The following MCM9 variants were observed in gnomAD, a reference collection of about 807,000 sequenced individuals.
MCM9 encodes the protein minichromosome maintenance 9 homologous recombination repair factor.
Under a neutral mutation model 72.8 loss-of-function variants are expected in MCM9, and 55 were observed. The ratio of observed to expected loss-of-function variants is 0.76; its 90% CI spans 0.61 to 0.95. The LOEUF is 0.95. Among genes scored for constraint, MCM9 ranks in the 40% least tolerant of loss-of-function variants. MCM9 has a pLI of 0.00. For missense variants in MCM9, 1,279 were observed against 1,377.0 expected (o/e 0.93, Z 1.13); for synonymous variants, 480 against 503.4 (o/e 0.95, Z 0.62).
At chr6:118,875,656 TAAAATA>T (rs1403476088) in intron 8 of MCM9, among the ~76,000 whole-genome samples, 1 of 40,530 alleles carries the variant, frequency 2.5e-5, no homozygotes, top group Non-Finnish European at 4.4e-5. Context: ...TAATAATAAT[TAAAATA>T]ATAATAATAA....
chr6:118,858,295 T>C (rs1342203064), intron 8 of MCM9, among the ~76,000 whole-genome samples: 1 of 152,114 alleles, frequency 6.6e-6, no homozygotes, highest in African/African-American at 2.4e-5. Flanking sequence ...GAAAATACAT[T>C]TCACAAAACT....
chr6:118,867,101 A>G (rs895221255), intron 8 of MCM9, among the ~76,000 whole-genome samples: 2 of 152,162 alleles, frequency 1.3e-5, no homozygotes, highest in Non-Finnish European at 2.9e-5. Flanking sequence ...TTTTAAAAAA[A>G]GGGGGTGATA....
chr6:118,827,868 C>A, intron 11 of MCM9, 59 bp downstream of exon 11: 1 of 1,468,442 alleles, frequency 6.8e-7, no homozygotes, highest in Non-Finnish European at 9.3e-7. Context: ...GGTGCCAAGC[C>A]CCATGCCTTG....
chr6:118,826,966 T>C, intron 11 of MCM9, 102 bp from the exon 12 acceptor site: 5 of 874,834 alleles, frequency 5.7e-6, no homozygotes, highest in Non-Finnish European at 9.0e-6. Context: ...GAATGAGCTA[T>C]TAATAACAAC....
At chr6:118,929,773 T>A (rs114776624) in intron 3 of MCM9, among the ~76,000 whole-genome samples, 1,585 of 152,204 alleles carry the variant, frequency 0.01, 29 homozygotes, top group African/African-American at 0.036. Context: ...GGGAGTTTAA[T>A]ACCAGCCCGG....
At chr6:118,844,176 T>C (rs886847995) in intron 9 of MCM9, among the ~76,000 whole-genome samples, 3 of 151,872 alleles carry the variant, frequency 2.0e-5, no homozygotes, top group Admixed American at 6.6e-5. Flanking sequence ...TCTAGAGACA[T>C]TTTCTCAAGA....
intron 13 of MCM9, 26 bp downstream of exon 13, chr6:118,826,121 T>C (rs1328637460): frequency 2.6e-6 from 4 of 1,536,328 alleles, no homozygotes; most frequent in African/African-American, 2.8e-5. Flanking sequence ...TTCCATTGTA[T>C]GCCTTTCTGG....
intron 13 of MCM9, among the ~76,000 whole-genome samples, chr6:118,825,218 C>T (rs1019970019): frequency 1.3e-5 from 2 of 152,222 alleles, no homozygotes; most frequent in South Asian, 4.1e-4. Flanking sequence ...TTGATCTTGG[C>T]ACCATGTTCT....
At chr6:118,919,657 T>A (rs571394353) in intron 5 of MCM9, 1 of 152,350 alleles carries the variant, frequency 6.6e-6, no homozygotes, top group Admixed American at 6.5e-5. Flanking sequence ...AGACAACAGA[T>A]ATTCACCTTA....
At chr6:118,857,257 G>A (rs1181594467) in intron 8 of MCM9, among the ~76,000 whole-genome samples, 1 of 152,178 alleles carries the variant, frequency 6.6e-6, no homozygotes, top group Non-Finnish European at 1.5e-5. Context: ...TTCCAATGAT[G>A]AAAATGAAAA....
intron 9 of MCM9, among the ~76,000 whole-genome samples, chr6:118,843,294 G>T (rs959146964): frequency 2.6e-5 from 4 of 151,202 alleles, no homozygotes; most frequent in Non-Finnish European, 5.9e-5. Context: ...TTCAAAAAAA[G>T]AACTAACTCT....
chr6:118,889,680 G>A (rs1583553337), intron 8 of MCM9, among the ~76,000 whole-genome samples: 1 of 152,156 alleles, frequency 6.6e-6, no homozygotes, highest in Non-Finnish European at 1.5e-5. Flanking sequence ...ATAAGAAACA[G>A]AAAATAATTA....
At position 118,847,422 on chromosome 6, in the gene MCM9, C is replaced by CAAA. The variant is rs368957444; in HGVS notation, c.1325+8946_1325+8948dup. 1.2e-3 allele frequency among the ~76,000 whole-genome samples: 134 copies of CAAA among 113,710 alleles called. 1 individual carries two copies. The highest frequency in any genetic ancestry group is 3.3e-3 in the South Asian group (11 of 3,352). The allele number at this position is 113,710 out of a possible 152,430, so 74.6% of individuals were successfully genotyped here. A position where few individuals can be genotyped will look rare whatever the true frequency, so the allele number is the denominator to read the frequency against. On this transcript the variant is annotated intron_variant, in intron 9 of 13. Transcript: ENST00000619706. Reference sequence around the variant, plus strand: ...CATGCTCATGTGCCCCATGAATCTTCAAAAAAAAAAAAAAAAAAGAAATTA... The same window carrying CAAA: ...CATGCTCATGTGCCCCATGAATCTTCAAAAAAAAAAAAAAAAAAAAAGAAATTA...
intron 9 of MCM9, among the ~76,000 whole-genome samples, chr6:118,855,698 G>A (rs753811860): frequency 2.4e-4 from 37 of 152,042 alleles, no homozygotes; most frequent in Non-Finnish European, 4.6e-4. Flanking sequence ...GCATTAAGAC[G>A]GAAACAGTTC....
chr6:118,886,535 C>T (rs1195128153), intron 8 of MCM9, among the ~76,000 whole-genome samples: 1 of 151,294 alleles, frequency 6.6e-6, no homozygotes, highest in East Asian at 1.9e-4. Flanking sequence ...AAAAAAAAAT[C>T]AATTCTATGT....
intron 8 of MCM9, among the ~76,000 whole-genome samples, chr6:118,904,284 G>A (rs996992002): frequency 6.6e-6 from 1 of 152,190 alleles, no homozygotes; most frequent in African/African-American, 2.4e-5. Context: ...GAGGTTTTTA[G>A]CCTAGGACAC....
At chr6:118,861,709 G>A (rs1368762101) in intron 8 of MCM9, among the ~76,000 whole-genome samples, 1 of 152,168 alleles carries the variant, frequency 6.6e-6, no homozygotes, top group Non-Finnish European at 1.5e-5. Context: ...GGGCTCAGAA[G>A]GGAGGAAGTG....
intron 8 of MCM9, among the ~76,000 whole-genome samples, chr6:118,900,297 T>G (rs944732096): frequency 1.3e-5 from 2 of 152,196 alleles, no homozygotes; most frequent in African/African-American, 4.8e-5. Flanking sequence ...ATTATTTGGA[T>G]CTCTGCAGCG....
chr6:118,878,989 G>T (rs569964241), intron 8 of MCM9, among the ~76,000 whole-genome samples: 2 of 152,186 alleles, frequency 1.3e-5, no homozygotes, highest in Non-Finnish European at 2.9e-5. Context: ...CCAAGAGGTG[G>T]AGGCTGCAGT....
Sources: allele counts gnomAD v4.1 joint callset (sites outside exome capture counted in the v4.1 genomes callset), GRCh38; gene constraint gnomAD v4.1.1; transcripts MANE v1.5; gene names NCBI Gene and HGNC (gene_info 2026-07-23, HGNC 2026-07-21).